Variants in NFATC3 observed in about 807,000 individuals in gnomAD.
NFATC3 encodes the protein nuclear factor of activated T cells 3.
In NFATC3, 46 loss-of-function variants were observed where a neutral mutation model predicts 98.6. That is an observed-to-expected ratio of 0.47 (90% CI 0.37 to 0.60). The LOEUF is 0.60. Among genes scored for constraint, NFATC3 ranks in the 20% least tolerant of loss-of-function variants. The probability of loss-of-function intolerance (pLI) is 0.00; values close to 1 mark genes in which losing one functional copy is unlikely to be tolerated. For missense variants in NFATC3, 1,256 were observed against 1,295.5 expected (o/e 0.97, Z 0.47); for synonymous variants, 512 against 472.2 (o/e 1.08, Z -1.09).
At chr16:68,223,230 A>C (rs956441406) in intron 9 of NFATC3, among the ~76,000 whole-genome samples, 18 of 152,216 alleles carry the variant, frequency 1.2e-4, no homozygotes, top group Non-Finnish European at 7.3e-5. Flanking sequence ...TAGCCTGGCA[A>C]ATTTACTTAA....
intron 3 of NFATC3, chr16:68,138,700 A>C: frequency 7.8e-7 from 1 of 1,288,058 alleles, no homozygotes; most frequent in Non-Finnish European, 1.0e-6. Flanking sequence ...ATGCAGAAGT[A>C]CTGGGAAAAG....
intron 9 of NFATC3, among the ~76,000 whole-genome samples, chr16:68,203,331 C>T (rs1284179042): frequency 1.3e-5 from 2 of 151,990 alleles, no homozygotes; most frequent in African/African-American, 4.8e-5. Context: ...TTTTAATCAA[C>T]CTACATTAAG....
intron 6 of NFATC3, among the ~76,000 whole-genome samples, chr16:68,179,109 A>G (rs1299571235): frequency 6.6e-6 from 1 of 152,090 alleles, no homozygotes; most frequent in Non-Finnish European, 1.5e-5. Context: ...TCTTCTGTCT[A>G]TAATTACCCT....
intron 3 of NFATC3, among the ~76,000 whole-genome samples, chr16:68,136,312 T>C (rs1465041620): frequency 6.6e-6 from 1 of 152,128 alleles, no homozygotes; most frequent in Non-Finnish European, 1.5e-5. Flanking sequence ...CTGTTGCCGA[T>C]GCTGGAGTGC....
At chr16:68,173,508 G>A (rs1464896730) in intron 5 of NFATC3, among the ~76,000 whole-genome samples, 7 of 151,874 alleles carry the variant, frequency 4.6e-5, no homozygotes, top group Non-Finnish European at 8.8e-5. Context: ...CAGAGGTTGC[G>A]GTGAGCCGAG....
chr16:68,203,599 C>G (rs2151140878), intron 9 of NFATC3, among the ~76,000 whole-genome samples: 1 of 152,238 alleles, frequency 6.6e-6, no homozygotes, highest in East Asian at 1.9e-4. Context: ...TGCCACTGCA[C>G]TTCAACTTGG....
intron 8 of NFATC3, among the ~76,000 whole-genome samples, chr16:68,185,382 G>A (rs539331722): frequency 4.6e-5 from 7 of 152,246 alleles, no homozygotes; most frequent in Admixed American, 2.0e-4. Context: ...TCTTCAAGGC[G>A]GGTGGTAAGG....
intron 1 of NFATC3, among the ~76,000 whole-genome samples, chr16:68,117,844 A>G (rs1306434081): frequency 1.3e-5 from 2 of 152,214 alleles, no homozygotes; most frequent in African/African-American, 4.8e-5. Flanking sequence ...ATGATTTATT[A>G]TAGACCTAAT....
intron 8 of NFATC3, among the ~76,000 whole-genome samples, chr16:68,190,049 A>G (rs974255582): frequency 6.6e-6 from 1 of 152,256 alleles, no homozygotes; most frequent in South Asian, 2.1e-4. Context: ...CCAAAAACAA[A>G]AAAAAGAAAT....
intron 9 of NFATC3, among the ~76,000 whole-genome samples, chr16:68,220,268 A>C (rs1160077963): frequency 1.3e-5 from 2 of 152,204 alleles, no homozygotes; most frequent in African/African-American, 4.8e-5. Flanking sequence ...TCACGCCTGT[A>C]ATCCCAGCAT....
chr16:68,185,604 G>A lies in NFATC3; in HGVS notation c.2098+2238G>A, dbSNP rs74248472. 3.7e-4 allele frequency among the ~76,000 whole-genome samples: 57 copies of A among 152,156 alleles called. No individual in the cohort carries two copies. The East Asian group carries it at 8.5e-3, about 23-fold the overall frequency. Reference sequence around the variant, plus strand: ...GAAAGGCAAACCAGGGGCCGGGCGCGGTGGCTCACACCTGTGGCCCCGCTA... The same window carrying A: ...GAAAGGCAAACCAGGGGCCGGGCGCAGTGGCTCACACCTGTGGCCCCGCTA... On this transcript the variant is annotated intron_variant, in intron 8 of 9. Transcript: ENST00000346183.
intron 6 of NFATC3, among the ~76,000 whole-genome samples, chr16:68,176,926 C>A (rs1292985802): frequency 6.6e-6 from 1 of 151,896 alleles, no homozygotes; most frequent in African/African-American, 2.4e-5. Flanking sequence ...TTGTGGGGAG[C>A]CATTAACTTG....
chr16:68,166,125 G>A (rs2039180816), intron 4 of NFATC3, among the ~76,000 whole-genome samples: 2 of 152,140 alleles, frequency 1.3e-5, no homozygotes, highest in Admixed American at 1.3e-4. Flanking sequence ...ATTATTTCTT[G>A]TTCTGACGTA....
intron 9 of NFATC3, among the ~76,000 whole-genome samples, chr16:68,203,499 G>A (rs776604723): frequency 1.3e-5 from 2 of 152,046 alleles, no homozygotes; most frequent in Non-Finnish European, 2.9e-5. Context: ...CGGGTGTGGT[G>A]GCGTGTGCCT....
At chr16:68,195,314 A>G (rs1204406857) in intron 9 of NFATC3, among the ~76,000 whole-genome samples, 1 of 152,114 alleles carries the variant, frequency 6.6e-6, no homozygotes, top group African/African-American at 2.4e-5. Context: ...TAGCTATCAC[A>G]TTTGCTCATT....
At chr16:68,101,577 G>A (rs140064955) in intron 1 of NFATC3, among the ~76,000 whole-genome samples, 1,890 of 151,396 alleles carry the variant, frequency 0.012, 37 homozygotes, top group African/African-American at 0.043. Context: ...TCCGCCTCCC[G>A]GGTTCACGCC....
intron 6 of NFATC3, among the ~76,000 whole-genome samples, chr16:68,180,181 G>T (rs1486771317): frequency 6.6e-6 from 1 of 152,164 alleles, no homozygotes; most frequent in Non-Finnish European, 1.5e-5. Context: ...TAAGGAATAG[G>T]CACAGAACTG....
At chr16:68,166,447 T>C (rs1045256657) in intron 4 of NFATC3, among the ~76,000 whole-genome samples, 3 of 152,186 alleles carry the variant, frequency 2.0e-5, no homozygotes, top group African/African-American at 7.2e-5. Context: ...ATAGCAAAAG[T>C]GGAAGTTACC....
chr16:68,148,535 A>T (rs1160969942), intron 3 of NFATC3, among the ~76,000 whole-genome samples: 1 of 152,370 alleles, frequency 6.6e-6, no homozygotes, highest in Admixed American at 6.5e-5. Context: ...TTCACTAAAC[A>T]TAAGACAGCT....
Sources: gnomAD v4.1 joint callset for allele counts (sites outside exome capture counted in the v4.1 genomes callset) on GRCh38, gnomAD v4.1.1 for gene constraint, MANE v1.5 for transcripts, NCBI Gene and HGNC (gene_info 2026-07-23, HGNC 2026-07-21) for gene names.